Variants in SMC4 observed in about 807,000 individuals in gnomAD.
SMC4 encodes the protein structural maintenance of chromosomes protein 4.
A neutral mutation model predicts 145.6 loss-of-function variants in SMC4; 87 were observed. That is an observed-to-expected ratio of 0.60 (90% CI 0.50 to 0.71). The LOEUF is 0.71. SMC4 is among the 30% of genes least tolerant of loss of function. The pLI is 0.00. For missense variants in SMC4, 1,447 were observed against 1,537.1 expected (o/e 0.94, Z 0.98); for synonymous variants, 558 against 500.7 (o/e 1.11, Z -1.53).
chr3:160,433,150 G>A lies in SMC4; in HGVS notation c.3655G>A (p.Asp1219Asn), dbSNP rs916389366. 8 of 1,613,528 alleles carry A rather than the reference G, an allele frequency of 5.0e-6. No homozygotes were observed. Among genetic ancestry groups the A allele is most frequent in the Non-Finnish European group, 6.8e-6 (8 of 1,179,730 alleles). Residue 1219 changes from aspartate (D) to asparagine (N), a missense_variant, in exon 23 of 24, where the codon GAT becomes AAT. Asp to Asn is a conservative substitution (Grantham distance 23). Coordinates refer to ENST00000357388, the MANE Select transcript of SMC4 (RefSeq NM_001002800.3). Reference sequence around the variant, plus strand: ...CAAGCCCACTCCCCTTTACTTCATGGATGAGATTGATGCAGCCCTTGATTT... The same window carrying A: ...CAAGCCCACTCCCCTTTACTTCATGAATGAGATTGATGCAGCCCTTGATTT... The part of the protein sequence containing the change: ...HYKPTPLYFM[D>N]EIDAALDFKN...
chr3:160,421,022 C>T (rs1221097166), intron 13 of SMC4, 121 bp downstream of exon 13: 10 of 694,270 alleles, frequency 1.4e-5, no homozygotes, highest in East Asian at 6.9e-5. Flanking sequence ...CTCCGCCTCC[C>T]GGGTTCACAC....
rs1362447939 is a variant in SMC4 at position 160,433,199 on chromosome 3, T to A, written c.3704T>A (p.Phe1235Tyr). The A allele has an allele frequency of 4.3e-6, 7 of 1,610,448 alleles. No homozygotes were observed. Among genetic ancestry groups the A allele is most frequent in the Non-Finnish European group, 5.1e-6 (6 of 1,177,372 alleles). Residue 1235 changes from phenylalanine (F) to tyrosine (Y), a missense_variant, in exon 23 of 24, where the codon TTT becomes TAT. Coordinates refer to ENST00000357388, the MANE Select transcript of SMC4 (RefSeq NM_001002800.3). ...LDFKNVSIVA[F>Y]YIYEQTKNAQ... is the part of the protein sequence containing the mutation. ...TTTAAAAATGTGTCCATTGTTGCAT[T>A]TTATATATATGTAAGTAATCATTTT...
chr3:160,411,330 CTCT>C (rs751320206), intron 5 of SMC4, among the ~76,000 whole-genome samples: 33 of 152,204 alleles, frequency 2.2e-4, no homozygotes, highest in Non-Finnish European at 3.1e-4. Flanking sequence ...CTGTCAAAGG[CTCT>C]TGTTTTTAGA....
At chr3:160,413,668 A>G (rs985591208) in intron 8 of SMC4, 55 bp downstream of exon 8, 7 of 979,348 alleles carry the variant, frequency 7.1e-6, no homozygotes, top group Admixed American at 3.2e-5. Flanking sequence ...TTACATGTGT[A>G]TTTATATATA....
chr3:160,402,928 CAT>C lies in SMC4; in HGVS notation c.510+64_510+65del. 2.4e-6 allele frequency: 3 copies of C among 1,234,286 alleles called. No homozygotes were observed. The South Asian group carries it at 4.9e-5, about 20-fold the overall frequency. 76.5% of individuals were successfully genotyped at this position (1,234,286 alleles called of 1,614,324 possible). ...AAGGAAAATGGACTTAAATGCATTA[CAT>C]ATTTTATTTTTGGCTTTAAGAAATT... On this transcript the variant is annotated intron_variant, in intron 4 of 23. Coordinates refer to ENST00000357388, the MANE Select transcript of SMC4 (RefSeq NM_001002800.3).
In SMC4 at chr3:160,431,632, T is replaced by G. The variant is rs765922257; in HGVS notation, c.3115-11T>G. ...TGCCTTCTCTAACTCTCCCCTAAAT[T>G]GAACTTTTAGATTTCAAAAATATCA... On this transcript the variant is annotated splice_polypyrimidine_tract_variant and intron_variant, in intron 20 of 23. Transcript: ENST00000357388. The G allele has an allele frequency of 1.0e-5, 16 of 1,564,726 alleles. No individual in the cohort carries two copies. In the East Asian group the frequency reaches 3.4e-4, roughly 34 times the overall value.
At chr3:160,425,580 G>C (rs896615142) in intron 16 of SMC4, among the ~76,000 whole-genome samples, 13 of 152,022 alleles carry the variant, frequency 8.6e-5, no homozygotes, top group African/African-American at 2.9e-4. Flanking sequence ...AATTGCTTTA[G>C]AGCATTTTGT....
chr3:160,434,395 G>C lies in SMC4; in HGVS notation c.*586G>C, dbSNP rs1253940937. 6.6e-6 allele frequency: 1 copy of C among 152,140 alleles called. No individual in the cohort carries two copies. The highest frequency in any genetic ancestry group is 2.4e-5 in the African/African-American group (1 of 41,406). The allele number at this position is 152,140 out of a possible 1,614,324, so 9.4% of individuals were successfully genotyped here. A position where few individuals can be genotyped will look rare whatever the true frequency, so the allele number is the denominator to read the frequency against. ...TAGGACAGTGTTTCAACAAGCCTAG[G>C]CTATCTCGTAAGTTGAAAAATATCC... On this transcript the variant is annotated 3_prime_UTR_variant, in exon 24 of 24. Coordinates refer to ENST00000357388, the MANE Select transcript of SMC4 (RefSeq NM_001002800.3).
At chr3:160,401,756 A>T (rs1714690493) in intron 2 of SMC4, among the ~76,000 whole-genome samples, 159 bp from the exon 3 acceptor site, 1 of 152,188 alleles carries the variant, frequency 6.6e-6, no homozygotes, top group Non-Finnish European at 1.5e-5. Flanking sequence ...AGATAATAAC[A>T]TATTTAAGTG....
chr3:160,424,364 G>A (rs895605880), intron 15 of SMC4, among the ~76,000 whole-genome samples: 9 of 152,006 alleles, frequency 5.9e-5, no homozygotes. Context: ...TTAAGTATTT[G>A]AATGCTGTAC....
chr3:160,419,484 C>T lies in SMC4; in HGVS notation c.1798C>T (p.Leu600Phe), dbSNP rs752357061. 2 of 1,607,206 alleles carry T rather than the reference C, an allele frequency of 1.2e-6. No individual in the cohort carries two copies. The highest frequency in any genetic ancestry group is 1.7e-6 in the Non-Finnish European group (2 of 1,178,412). Residue 600 changes from leucine (L) to phenylalanine (F), a missense_variant, in exon 12 of 24, where the codon CTT becomes TTT. Leu to Phe is a conservative substitution (Grantham distance 22). Transcript: ENST00000357388. ...LAMNRSRGKV[L>F]DAIIQEKKSG... ...AATGAATCGAAGTAGGGGGAAAGTCCTTGATGCAATAATTCAAGAAAAAAA... is the reference window on the plus strand; with the variant it reads ...AATGAATCGAAGTAGGGGGAAAGTCTTTGATGCAATAATTCAAGAAAAAAA...
At chr3:160,409,826 G>A (rs971749149) in intron 5 of SMC4, among the ~76,000 whole-genome samples, 1 of 152,106 alleles carries the variant, frequency 6.6e-6, no homozygotes, top group African/African-American at 2.4e-5. Flanking sequence ...CAGCATTTTG[G>A]GAGGCTGAGG....
intron 23 of SMC4, chr3:160,433,445 A>G (rs944860814): frequency 1.1e-5 from 6 of 545,104 alleles, no homozygotes; most frequent in African/African-American, 3.8e-5. Flanking sequence ...TCACAGCTAG[A>G]ATCCTAGGTC....
Position 160,427,333 on chromosome 3 carries a change from G to A in SMC4, c.2605+1133G>A, listed in dbSNP as rs16831212. Among the ~76,000 whole-genome samples, 829 of 152,278 alleles carry A rather than the reference G, an allele frequency of 5.4e-3. 7 individuals are homozygous for A. Among genetic ancestry groups the A allele is most frequent in the African/African-American group, 0.019 (802 of 41,560 alleles). The stretch of plus-strand genomic sequence containing the variant: ...AAAGCATTCCAAGAAGAGTATAAAG[G>A]AGCAAATACAAAGGCTGAAGCAGGA... On this transcript the variant is annotated intron_variant, in intron 17 of 23. Transcript: ENST00000357388.
rs201121503 is a variant in SMC4, at chr3:160,420,874, A to C, written c.1992A>C (p.Gly664=). The change falls in exon 13 of 24, where the codon GGA becomes GGC. Residue 664 remains glycine, a synonymous_variant. Coordinates refer to ENST00000357388, the MANE Select transcript of SMC4 (RefSeq NM_001002800.3). ...CVNFLKRQNI[G]VATFIGLDKM... is the part of the protein sequence containing the mutation. ...ACTTCCTTAAAAGACAAAATATTGG[A>C]GTTGCAACCTTTATAGGTTTAGATA... The C allele has an allele frequency of 2.5e-6, 4 of 1,612,630 alleles. No homozygotes were observed. The African/African-American group carries it at 5.3e-5, about 22-fold the overall frequency.
At chr3:160,402,254 C>G (rs1268970330) in intron 3 of SMC4, among the ~76,000 whole-genome samples, 161 bp downstream of exon 3, 1 of 152,086 alleles carries the variant, frequency 6.6e-6, no homozygotes, top group Admixed American at 6.5e-5. Flanking sequence ...CACACACACA[C>G]GTTTCATATG....
Position 160,401,987 on chromosome 3 carries a change from C to T in SMC4, c.212C>T (p.Pro71Leu). The T allele has an allele frequency of 6.2e-7, 1 of 1,605,554 alleles. No homozygotes were observed. Among genetic ancestry groups the T allele is most frequent in the East Asian group, 2.3e-5 (1 of 44,172 alleles). The change falls in exon 3 of 24, where the codon CCA becomes CTA. Residue 71 changes from proline to leucine, a missense_variant. By Grantham distance (98) the Pro-to-Leu change is moderately conservative (BLOSUM62 -3). Transcript: ENST00000357388. Reference sequence around the variant, plus strand: ...AACAGCATTCCTCCTCCCCCGCCTCCAGCAATGACCAATGAAGCTGGAGCT... The same window carrying T: ...AACAGCATTCCTCCTCCCCCGCCTCTAGCAATGACCAATGAAGCTGGAGCT... ...ILNSIPPPPP[P>L]AMTNEAGAPR...
chr3:160,432,824 T>A (rs544373762), intron 22 of SMC4: 1 of 546,408 alleles, frequency 1.8e-6, no homozygotes, highest in Non-Finnish European at 3.2e-6. Context: ...GCTCTTTAAA[T>A]CTTAAAACTT....
intron 18 of SMC4, among the ~76,000 whole-genome samples, chr3:160,429,449 T>TCCTC (rs888158824): frequency 2.0e-5 from 3 of 152,072 alleles, no homozygotes; most frequent in African/African-American, 7.2e-5. Flanking sequence ...GCTCAGGCAG[T>TCCTC]CCTCCCACCT....
Sources: gnomAD v4.1 joint callset for allele counts (sites outside exome capture counted in the v4.1 genomes callset) on GRCh38, gnomAD v4.1.1 for gene constraint, MANE v1.5 for transcripts, NCBI Gene and HGNC (gene_info 2026-07-23, HGNC 2026-07-21) for gene names.